PCDHGA3: variants seen among roughly 807,000 people sequenced by gnomAD.
PCDHGA3 encodes protocadherin gamma subfamily A, 3.
A neutral mutation model predicts 58.5 loss-of-function variants in PCDHGA3; 40 were observed. The observed-to-expected ratio is 0.68, with a 90% CI of 0.53 to 0.89. The LOEUF (loss-of-function observed/expected upper bound fraction) is 0.89, where lower values mean the gene tolerates loss of function less well. Ranked by LOEUF, PCDHGA3 falls within the 40% of genes least tolerant of loss-of-function variation. The pLI, the probability that PCDHGA3 is intolerant of heterozygous loss-of-function variation, is 0.00. For missense variants in PCDHGA3, 1,223 were observed against 1,195.9 expected (o/e 1.02, Z -0.33); for synonymous variants, 530 against 525.7 (o/e 1.01, Z -0.11).
intron 1 of PCDHGA3, among the ~76,000 whole-genome samples, chr5:141,463,726 A>G (rs6888081): frequency 0.29 from 44,573 of 151,836 alleles, 7,596 homozygotes; most frequent in African/African-American, 0.48. Flanking sequence ...GATTACAGGC[A>G]TGAGCCACCG....
Position 141,374,537 on chromosome 5 carries a change from T to G in PCDHGA3, c.2424+28080T>G, listed in dbSNP as rs1430968090. Reference sequence around the variant, plus strand: ...CGAAAACGCAGCTCCATCCTCTCGTTTTCCACTAATGGAGGTCTATGACCC... The same window carrying G: ...CGAAAACGCAGCTCCATCCTCTCGTGTTCCACTAATGGAGGTCTATGACCC... On this transcript the variant is annotated intron_variant, in intron 1 of 3. Coordinates refer to ENST00000253812, the MANE Select transcript of PCDHGA3 (RefSeq NM_018916.4). 4 of 1,613,198 alleles carry G rather than the reference T, an allele frequency of 2.5e-6. No individual in the cohort carries two copies. In the Admixed American group the frequency reaches 5.0e-5, roughly 20 times the overall value.
intron 1 of PCDHGA3, chr5:141,418,426 C>A: frequency 6.2e-7 from 1 of 1,613,948 alleles, no homozygotes; most frequent in South Asian, 1.1e-5. Flanking sequence ...CTGATGGTGG[C>A]AAATATCCAG....
At chr5:141,352,570 G>A (rs1390674555) in intron 1 of PCDHGA3, 3 of 1,613,938 alleles carry the variant, frequency 1.9e-6, no homozygotes, top group East Asian at 2.2e-5. Flanking sequence ...CACCGGAAAT[G>A]GCTCCCCCTC....
chr5:141,349,868 G>C (rs1369681606), intron 1 of PCDHGA3, among the ~76,000 whole-genome samples: 2 of 152,122 alleles, frequency 1.3e-5, no homozygotes, highest in African/African-American at 2.4e-5. Context: ...AATACGAAAT[G>C]ATGAAGGCCC....
At chr5:141,419,656 G>A (rs1374057056) in intron 1 of PCDHGA3, 15 of 1,612,528 alleles carry the variant, frequency 9.3e-6, no homozygotes, top group Non-Finnish European at 8.5e-6. Context: ...CGGACTCGGG[G>A]CACAATGCCT....
At chr5:141,482,089 C>CA (rs36035257) in intron 1 of PCDHGA3, among the ~76,000 whole-genome samples, 13,509 of 134,292 alleles carry the variant, frequency 0.1, 910 homozygotes, top group African/African-American at 0.2. Context: ...CACTCCATCT[C>CA]AAAAAAAAAA....
intron 1 of PCDHGA3, chr5:141,361,176 T>A (rs2149821588): frequency 6.2e-7 from 1 of 1,613,882 alleles, no homozygotes; most frequent in Non-Finnish European, 8.5e-7. Flanking sequence ...CACCTGAAGT[T>A]ATTGTGACTT....
Position 141,394,739 on chromosome 5 carries a change from C to A in PCDHGA3, c.2424+48282C>A, listed in dbSNP as rs377359689. 7.4e-6 allele frequency: 12 copies of A among 1,613,272 alleles called. No individual in the cohort carries two copies. In the African/African-American group the frequency reaches 1.2e-4, roughly 16 times the overall value. ...ACAGAGATGCGCTCAAGCAGAGCCT[C>A]GTGGTGGCCGTCCAGGACCATGGCC... On this transcript the variant is annotated intron_variant, in intron 1 of 3. Coordinates refer to ENST00000253812, the MANE Select transcript of PCDHGA3 (RefSeq NM_018916.4).
intron 1 of PCDHGA3, among the ~76,000 whole-genome samples, chr5:141,369,464 C>G (rs1013896891): frequency 6.6e-6 from 1 of 152,072 alleles, no homozygotes; most frequent in African/African-American, 2.4e-5. Flanking sequence ...GCCAGGTGTT[C>G]TAGCCCAGCC....
intron 1 of PCDHGA3, chr5:141,352,314 A>G (rs1758977445): frequency 2.5e-6 from 4 of 1,613,920 alleles, no homozygotes; most frequent in Non-Finnish European, 3.4e-6. Flanking sequence ...ACGGAACTGC[A>G]GTTTTACCTG....
chr5:141,471,404 TTA>T (rs1320685792), intron 1 of PCDHGA3: 3 of 152,170 alleles, frequency 2.0e-5, no homozygotes, highest in Non-Finnish European at 4.4e-5. Flanking sequence ...GTAGCTAGGC[TTA>T]GTTATGTTTT....
At position 141,477,210 on chromosome 5, in the gene PCDHGA3, C is replaced by G. The variant is rs780852225; in HGVS notation, c.2425-17597C>G. 1.2e-6 allele frequency: 2 copies of G among 1,614,142 alleles called. No individual in the cohort carries two copies. The highest frequency in any genetic ancestry group is 1.7e-6 in the Non-Finnish European group (2 of 1,180,030). On this transcript the variant is annotated intron_variant, in intron 1 of 3. Coordinates refer to ENST00000253812, the MANE Select transcript of PCDHGA3 (RefSeq NM_018916.4). The surrounding 1 kb of genome is among the most constrained non-coding windows in gnomAD (Gnocchi z 4.9). ...GTGTACAGCCCAGTACCCGAGGATG[C>G]CCCTCTGGGGACTGTCATCGCTTTG...
chr5:141,483,736 G>A (rs1296877404), intron 1 of PCDHGA3, among the ~76,000 whole-genome samples: 1 of 152,110 alleles, frequency 6.6e-6, no homozygotes, highest in Non-Finnish European at 1.5e-5. Flanking sequence ...ATAGTCAAAA[G>A]GATATTCCTG....
intron 1 of PCDHGA3, chr5:141,407,948 G>T (rs978962452): frequency 7.0e-6 from 4 of 572,054 alleles, no homozygotes; most frequent in Non-Finnish European, 1.1e-5. Flanking sequence ...GCCGCTGTCG[G>T]CCAGTGCAGA....
intron 1 of PCDHGA3, among the ~76,000 whole-genome samples, chr5:141,438,497 T>C (rs1274742357): frequency 6.7e-6 from 1 of 149,116 alleles, no homozygotes; most frequent in African/African-American, 2.5e-5. Flanking sequence ...GAAAAAAGAA[T>C]CATAGTGCAA....
At chr5:141,425,624 G>T (rs1007643604) in intron 1 of PCDHGA3, among the ~76,000 whole-genome samples, 1 of 152,184 alleles carries the variant, frequency 6.6e-6, no homozygotes, top group African/African-American at 2.4e-5. Flanking sequence ...TGCTCCTCCA[G>T]TTTTCTCTGA....
At chr5:141,449,266 G>T (rs1398403120) in intron 1 of PCDHGA3, among the ~76,000 whole-genome samples, 1 of 152,042 alleles carries the variant, frequency 6.6e-6, no homozygotes, top group Non-Finnish European at 1.5e-5. Context: ...ACAAAGAACT[G>T]TATCTCCTTC....
At chr5:141,475,884 G>C (rs998700290) in intron 1 of PCDHGA3, 1 of 557,810 alleles carries the variant, frequency 1.8e-6, no homozygotes, top group Non-Finnish European at 3.2e-6. Flanking sequence ...TATTGGCTGG[G>C]ACTCTGTGTG....
In PCDHGA3 at chr5:141,431,561, G is replaced by T; in HGVS notation, c.2425-63246G>T. The T allele has an allele frequency of 6.2e-7, 1 of 1,614,146 alleles. No homozygotes were observed. On this transcript the variant is annotated intron_variant, in intron 1 of 3. Transcript: ENST00000253812. This position sits in a 1 kb window ranked among gnomAD's most constrained non-coding sequence, Gnocchi z 4.8. Reference sequence around the variant, plus strand: ...GCAGCTGCTTGTAGTCAACGCTACCGACCCTGACGAAGGAGTCAATGCGGA... The same window carrying T: ...GCAGCTGCTTGTAGTCAACGCTACCTACCCTGACGAAGGAGTCAATGCGGA...
Sources: gnomAD v4.1 joint callset for allele counts (sites outside exome capture counted in the v4.1 genomes callset) on GRCh38, gnomAD v4.1.1 for gene constraint, Gnocchi (gnomAD v3.1) non-coding constraint, MANE v1.5 for transcripts, NCBI Gene and HGNC (gene_info 2026-07-23, HGNC 2026-07-21) for gene names.